Variants in FAM171A2 observed in about 807,000 individuals in gnomAD.
The protein encoded by FAM171A2 is family with sequence similarity 171 member A2.
In FAM171A2, 13 loss-of-function variants were observed where a neutral mutation model predicts 34.2. The ratio of observed to expected loss-of-function variants is 0.38; its 90% CI spans 0.25 to 0.60. The LOEUF is 0.60. Ranked by LOEUF, FAM171A2 falls within the 20% of genes least tolerant of loss-of-function variation. FAM171A2 has a pLI of 0.62. For missense variants in FAM171A2, 950 were observed against 1,180.7 expected (o/e 0.80, Z 2.86); for synonymous variants, 475 against 561.2 (o/e 0.85, Z 2.17).
In FAM171A2 at chr17:44,360,064, C is replaced by T. The variant is rs1401578825; in HGVS notation, c.187G>A (p.Val63Met). Residue 63 changes from valine to methionine, a missense_variant, in exon 2 of 8, where the codon GTG (valine) becomes ATG (methionine). Val to Met is a conservative substitution (Grantham distance 21). This residue lies in a region of FAM171A2 where 752 missense variants were observed against 924.5 expected (regional missense o/e 0.81). Coordinates refer to ENST00000293443, the MANE Select transcript of FAM171A2 (RefSeq NM_198475.3). ...LVPLARASVDVFGNRTLLAAG... is the reference protein window; with the variant it reads ...LVPLARASVDMFGNRTLLAAG... ...GCCAGCAGAGTCCGGTTCCCAAACACATCCACTGAGGCCCGGGCCAGGGGC... is the reference window on the plus strand; with the variant it reads ...GCCAGCAGAGTCCGGTTCCCAAACATATCCACTGAGGCCCGGGCCAGGGGC... 6.4e-7 allele frequency: 1 copy of T among 1,551,788 alleles called. No individual in the cohort carries two copies. Among genetic ancestry groups the T allele is most frequent in the Non-Finnish European group, 8.7e-7 (1 of 1,147,020 alleles).
Position 44,353,560 on chromosome 17 carries a change from A to T in FAM171A2, c.*173T>A. On this transcript the variant is annotated 3_prime_UTR_variant, in exon 8 of 8. Coordinates refer to ENST00000293443, the MANE Select transcript of FAM171A2 (RefSeq NM_198475.3). Reference sequence around the variant, plus strand: ...TCCTCCCCGGCTTGGAGGCAGACACAGGGTCCCTTGCAAGACACGACCCAG... The same window carrying T: ...TCCTCCCCGGCTTGGAGGCAGACACTGGGTCCCTTGCAAGACACGACCCAG... The T allele has an allele frequency of 2.7e-6, 1 of 366,760 alleles. No individual in the cohort carries two copies. Among genetic ancestry groups the T allele is most frequent in the Non-Finnish European group, 4.3e-6 (1 of 232,714 alleles). 22.7% of individuals were successfully genotyped at this position (366,760 alleles called of 1,614,324 possible).
At chr17:44,356,904 T>C (rs1166730133) in intron 3 of FAM171A2, among the ~76,000 whole-genome samples, 1 of 152,206 alleles carries the variant, frequency 6.6e-6, no homozygotes, top group Admixed American at 6.5e-5. Context: ...GGTTAGACAC[T>C]GGGGGCCCAA....
chr17:44,355,846 G>T lies in FAM171A2; in HGVS notation c.896-5C>A. ...CCGACGTGATGGTGACCAGCCCTGT[G>T]CCAGGCGAGGGCTTAGCGTTCAGGT... On this transcript the variant is annotated splice_polypyrimidine_tract_variant and splice_region_variant and intron_variant, in intron 6 of 7. Coordinates refer to ENST00000293443, the MANE Select transcript of FAM171A2 (RefSeq NM_198475.3). This position sits in a 1 kb window ranked among gnomAD's most constrained non-coding sequence, Gnocchi z 4.1. The T allele has an allele frequency of 6.4e-7, 1 of 1,551,640 alleles. No individual in the cohort carries two copies. Among genetic ancestry groups the T allele is most frequent in the Non-Finnish European group, 8.7e-7 (1 of 1,146,986 alleles).
intron 3 of FAM171A2, 118 bp from the exon 4 acceptor site, chr17:44,356,706 A>C (rs1196148924): frequency 2.6e-6 from 3 of 1,157,690 alleles, no homozygotes; most frequent in Admixed American, 2.9e-5. Context: ...TTGGAAGGCC[A>C]GGGAGGGTGA....
Position 44,353,673 on chromosome 17 carries a change from G to A in FAM171A2, c.*60C>T. 1 of 1,195,788 alleles carries A rather than the reference G, an allele frequency of 8.4e-7. No individual in the cohort carries two copies. The highest frequency in any genetic ancestry group is 1.0e-6 in the Non-Finnish European group (1 of 965,556). The allele number at this position is 1,195,788 out of a possible 1,614,324, so 74.1% of individuals were successfully genotyped here. A position where few individuals can be genotyped will look rare whatever the true frequency, so the allele number is the denominator to read the frequency against. ...GCGCGAGGGCCCCCGCGGGCCCCCG[G>A]GGCGCGCACCCTGGGTGCGGGCCCG... On this transcript the variant is annotated 3_prime_UTR_variant, in exon 8 of 8. Coordinates refer to ENST00000293443, the MANE Select transcript of FAM171A2 (RefSeq NM_198475.3).
In FAM171A2 at chr17:44,356,031, GCCTT is replaced by G; in HGVS notation, c.818_821del (p.Glu273AlafsTer72). On this transcript the variant is annotated frameshift_variant, in exon 6 of 8. Coordinates refer to ENST00000293443, the MANE Select transcript of FAM171A2 (RefSeq NM_198475.3). LOFTEE classifies it high-confidence loss of function. ...AGACGAAGGTCCAGTAGAGCTGCCGGCCTTCCTTCCGGATTACACCAGTGCCATT... is the reference window on the plus strand; with the variant it reads ...AGACGAAGGTCCAGTAGAGCTGCCGGCCTTCCGGATTACACCAGTGCCATT... The G allele has an allele frequency of 2.6e-6, 4 of 1,548,516 alleles. No individual in the cohort carries two copies. The highest frequency in any genetic ancestry group is 3.5e-6 in the Non-Finnish European group (4 of 1,145,410).
chr17:44,353,278 C>T lies in FAM171A2; in HGVS notation c.*455G>A. 1 of 222,086 alleles carries T rather than the reference C, an allele frequency of 4.5e-6. No individual in the cohort carries two copies. Among genetic ancestry groups the T allele is most frequent in the Non-Finnish European group, 9.1e-6 (1 of 109,862 alleles). The allele number at this position is 222,086 out of a possible 1,614,324, so 13.8% of individuals were successfully genotyped here. A position where few individuals can be genotyped will look rare whatever the true frequency, so the allele number is the denominator to read the frequency against. ...GGCTGTATCACATTACCCCCTAGTC[C>T]CCAGAGCTGTCCCAGCCACCAGCCC... On this transcript the variant is annotated 3_prime_UTR_variant, in exon 8 of 8. Transcript: ENST00000293443.
rs543683980 is a variant in FAM171A2, at chr17:44,354,523, G to T, written c.1691C>A (p.Pro564Gln). The change falls in exon 8 of 8, where the codon CCG (proline) becomes CAG (glutamine). Residue 564 changes from proline (P) to glutamine (Q), a missense_variant. Pro to Gln is a moderately conservative substitution (Grantham distance 76). Coordinates refer to ENST00000293443, the MANE Select transcript of FAM171A2 (RefSeq NM_198475.3). This position sits in a 1 kb window ranked among gnomAD's most constrained non-coding sequence, Gnocchi z 5.8. ...CGGGCCGGGTGCCGTGCCCTCCGGC[G>T]GGGCCGGCTCGTCGCCCACGCCGGC... The part of the protein sequence containing the change: ...GAAGVGDEPA[P>Q]PEGTAPGPAR... The T allele has an allele frequency of 2.7e-4, 308 of 1,153,888 alleles. 6 individuals are homozygous for T. In the South Asian group the frequency reaches 0.011, roughly 42 times the overall value. 71.5% of individuals were successfully genotyped at this position (1,153,888 alleles called of 1,614,324 possible).
chr17:44,360,227 A>G (rs2048442840), intron 1 of FAM171A2, 95 bp from the exon 2 acceptor site: 2 of 1,088,914 alleles, frequency 1.8e-6, no homozygotes, highest in Non-Finnish European at 1.3e-6. Flanking sequence ...TGTGTTTGAG[A>G]GAGTCTTTTG....
rs553588265 is a variant in FAM171A2 at position 44,363,610 on chromosome 17, G to C, written c.105C>G (p.Pro35=). 3.8e-5 allele frequency: 47 copies of C among 1,228,884 alleles called. No homozygotes were observed. The East Asian group carries it at 1.5e-3, about 39-fold the overall frequency. 76.1% of individuals were successfully genotyped at this position (1,228,884 alleles called of 1,614,324 possible). Residue 35 remains proline (P), a synonymous_variant, in exon 1 of 8, where the codon CCC becomes CCG. Coordinates refer to ENST00000293443, the MANE Select transcript of FAM171A2 (RefSeq NM_198475.3). ...SRAPGKSPPE[P]PSPQEILIKV... ...GCTGAGACTCACCCTGCGGGCTGGG[G>C]GGCTCCGGCGGCGACTTGCCGGGAG...
In FAM171A2 at chr17:44,355,063, G is replaced by A. The variant is rs1270981699; in HGVS notation, c.1151C>T (p.Pro384Leu). 1 of 1,548,188 alleles carries A rather than the reference G, an allele frequency of 6.5e-7. No individual in the cohort carries two copies. ...LHLICGGPLE[P>L]APSGDPEAPP... is the part of the protein sequence containing the mutation. ...AGCCTCGGGGTCCCCCGACGGGGCG[G>A]GTTCCAGGGGTCCCCCACAGATGAG... The change falls in exon 8 of 8, where the codon CCC becomes CTC. Residue 384 changes from proline (P) to leucine (L), a missense_variant. Physicochemically the swap from Pro to Leu is moderately conservative, Grantham distance 98. Transcript: ENST00000293443. The surrounding 1 kb of genome is among the most constrained non-coding windows in gnomAD (Gnocchi z 4.1).
rs1444134684 is a variant in FAM171A2 at position 44,355,803 on chromosome 17, T to G, written c.934A>C (p.Thr312Pro). ...GTGAGCAAGAAGATGGTGTGGTAGG[T>G]GCCGATGTCCTGGATGCCCGACGTG... ...TITSGIQDIG[T>P]YHTIFLLTIL... The change falls in exon 7 of 8, where the codon ACC becomes CCC. Residue 312 changes from threonine to proline, a missense_variant. Physicochemically the swap from Thr to Pro is conservative, Grantham distance 38. Coordinates refer to ENST00000293443, the MANE Select transcript of FAM171A2 (RefSeq NM_198475.3). The surrounding 1 kb of genome is among the most constrained non-coding windows in gnomAD (Gnocchi z 4.1). 4 of 1,551,656 alleles carry G rather than the reference T, an allele frequency of 2.6e-6. No individual in the cohort carries two copies. In the South Asian group the frequency reaches 4.8e-5, roughly 18 times the overall value.
In FAM171A2 at chr17:44,355,244, A is replaced by G; in HGVS notation, c.1023-53T>C. On this transcript the variant is annotated intron_variant, in intron 7 of 7. Transcript: ENST00000293443. This position sits in a 1 kb window ranked among gnomAD's most constrained non-coding sequence, Gnocchi z 4.1. ...CTCAGGAAAGGGTGAGGGCCAAAGT[A>G]GGCCCCGAACCCCCTTAGATGCAAG... 6.5e-7 allele frequency: 1 copy of G among 1,538,758 alleles called. No individual in the cohort carries two copies. Among genetic ancestry groups the G allele is most frequent in the Non-Finnish European group, 8.7e-7 (1 of 1,142,924 alleles).
chr17:44,354,788 A>C lies in FAM171A2; in HGVS notation c.1426T>G (p.Ser476Ala). Reference sequence around the variant, plus strand: ...TAGTGGTCGAAGGGCGGCGGCGGCGAGGGCGGCTCGTGCAGGAAGGCCGCA... The same window carrying C: ...TAGTGGTCGAAGGGCGGCGGCGGCGCGGGCGGCTCGTGCAGGAAGGCCGCA... ...GAAAFLHEPP[S>A]PPPPFDHYLG... is the part of the protein sequence containing the mutation. The change falls in exon 8 of 8, where the codon TCG (serine) becomes GCG (alanine). Residue 476 changes from serine (S) to alanine (A), a missense_variant. Physicochemically the swap from Ser to Ala is moderately conservative, Grantham distance 99 (BLOSUM62 1). This residue lies in a region of FAM171A2 where 752 missense variants were observed against 924.5 expected (regional missense o/e 0.81). Coordinates refer to ENST00000293443, the MANE Select transcript of FAM171A2 (RefSeq NM_198475.3). This position sits in a 1 kb window ranked among gnomAD's most constrained non-coding sequence, Gnocchi z 5.8. The C allele has an allele frequency of 7.7e-7, 1 of 1,295,828 alleles. No individual in the cohort carries two copies. Among genetic ancestry groups the C allele is most frequent in the East Asian group, 3.2e-5 (1 of 31,718 alleles). The allele number at this position is 1,295,828 out of a possible 1,614,324, so 80.3% of individuals were successfully genotyped here. A position where few individuals can be genotyped will look rare whatever the true frequency, so the allele number is the denominator to read the frequency against.
Position 44,354,863 on chromosome 17 carries a change from C to A in FAM171A2, c.1351G>T (p.Gly451Cys). ...TCCTCTAGGCCGGGCTCCAGCCCGCCGGGGCCCTCGGCCGAGCGAGCGCCC... is the reference window on the plus strand; with the variant it reads ...TCCTCTAGGCCGGGCTCCAGCCCGCAGGGGCCCTCGGCCGAGCGAGCGCCC... ...LKGARSAEGP[G>C]GLEPGLEEHR... Residue 451 changes from glycine to cysteine, a missense_variant, in exon 8 of 8, where the codon GGC becomes TGC. This residue lies in a region of FAM171A2 where 752 missense variants were observed against 924.5 expected (regional missense o/e 0.81). Coordinates refer to ENST00000293443, the MANE Select transcript of FAM171A2 (RefSeq NM_198475.3). The surrounding 1 kb of genome is among the most constrained non-coding windows in gnomAD (Gnocchi z 5.8). 1 of 1,282,804 alleles carries A rather than the reference C, an allele frequency of 7.8e-7. No homozygotes were observed. 79.5% of individuals were successfully genotyped at this position (1,282,804 alleles called of 1,614,324 possible). A position where few individuals can be genotyped will look rare whatever the true frequency, so the allele number is the denominator to read the frequency against.
At chr17:44,361,300 CT>C (rs2048446907) in intron 1 of FAM171A2, among the ~76,000 whole-genome samples, 1 of 152,230 alleles carries the variant, frequency 6.6e-6, no homozygotes, top group African/African-American at 2.4e-5. Flanking sequence ...TCGCCCCTAC[CT>C]TCCTGCTAAC....
rs1385960057 is a variant in FAM171A2 at position 44,355,712 on chromosome 17, C to T, written c.1022+3G>A. On this transcript the variant is annotated splice_donor_region_variant and intron_variant, in intron 7 of 7. Coordinates refer to ENST00000293443, the MANE Select transcript of FAM171A2 (RefSeq NM_198475.3). This position sits in a 1 kb window ranked among gnomAD's most constrained non-coding sequence, Gnocchi z 4.1. ...GGGAGGGTGAGGGAAGCCCCGTGCT[C>T]ACCGGCAGTAGTAGATGAGCAGACA... 1 of 1,551,546 alleles carries T rather than the reference C, an allele frequency of 6.4e-7. No individual in the cohort carries two copies. Among genetic ancestry groups the T allele is most frequent in the Non-Finnish European group, 8.7e-7 (1 of 1,146,988 alleles).
At chr17:44,357,525 T>C (rs1320825176) in intron 3 of FAM171A2, among the ~76,000 whole-genome samples, 1 of 151,778 alleles carries the variant, frequency 6.6e-6, no homozygotes, top group East Asian at 1.9e-4. Flanking sequence ...CAGGCGCCTG[T>C]AATCCCAGCT....
At chr17:44,361,617 C>G (rs557736076) in intron 1 of FAM171A2, among the ~76,000 whole-genome samples, 1 of 152,314 alleles carries the variant, frequency 6.6e-6, no homozygotes, top group East Asian at 1.9e-4. Flanking sequence ...CCCTCCCAGG[C>G]CAGAGCCCAA....
Sources: gnomAD v4.1 joint callset for allele counts (sites outside exome capture counted in the v4.1 genomes callset) on GRCh38, gnomAD v4.1.1 for gene constraint, gnomAD v4.1.1 regional missense constraint, Gnocchi (gnomAD v3.1) non-coding constraint, MANE v1.5 for transcripts, NCBI Gene and HGNC (gene_info 2026-07-23, HGNC 2026-07-21) for gene names.